The following CNTNAP5 variants were observed in gnomAD, a reference collection of about 807,000 sequenced individuals.
CNTNAP5 encodes the protein contactin associated protein family member 5.
A neutral mutation model predicts 150.2 loss-of-function variants in CNTNAP5; 72 were observed. The observed-to-expected ratio is 0.48, with a 90% confidence interval of 0.40 to 0.58. The LOEUF (loss-of-function observed/expected upper bound fraction) is 0.58, where lower values mean the gene tolerates loss of function less well. Ranked by LOEUF, CNTNAP5 falls within the 20% of genes least tolerant of loss-of-function variation. The pLI is 0.00. For missense variants in CNTNAP5, 1,636 were observed against 1,626.2 expected, an observed-to-expected ratio of 1.01 and a Z score of -0.10; for synonymous variants, 672 against 619.8, an observed-to-expected ratio of 1.08 and a Z score of -1.25.
At chr2:124,184,774 A>G (rs1255674975) in intron 1 of CNTNAP5, among the ~76,000 whole-genome samples, 1 of 152,186 alleles carries the variant, frequency 6.6e-6, no homozygotes, top group Non-Finnish European at 1.5e-5. Context: ...GATATTCTGG[A>G]ACAAATAGGA....
chr2:124,907,156 A>G (rs149105052), intron 22 of CNTNAP5, among the ~76,000 whole-genome samples: 3 of 152,258 alleles, frequency 2.0e-5, no homozygotes, highest in East Asian at 3.9e-4. Context: ...TGATAGATTT[A>G]TAAATAATCT....
At chr2:124,156,925 C>T (rs1684561004) in intron 1 of CNTNAP5, among the ~76,000 whole-genome samples, 1 of 152,152 alleles carries the variant, frequency 6.6e-6, no homozygotes, top group African/African-American at 2.4e-5. Flanking sequence ...AAATAAGGAC[C>T]ATAACATTAC....
At chr2:124,186,681 T>C (rs1006257107) in intron 1 of CNTNAP5, among the ~76,000 whole-genome samples, 5 of 152,304 alleles carry the variant, frequency 3.3e-5, no homozygotes, top group East Asian at 1.9e-4. Context: ...ATTAGAAGGA[T>C]GATCTTTTCA....
intron 19 of CNTNAP5, among the ~76,000 whole-genome samples, chr2:124,860,484 CTTCCTTCCTTCCTTCCTTCT>C (rs1558803890): frequency 1.8e-4 from 17 of 92,698 alleles, no homozygotes; most frequent in African/African-American, 8.0e-4. Flanking sequence ...TCCTTCCTTC[CTTCCTTCCTTCCTTCCTTCT>C]TTCCTTCCTT....
At chr2:124,174,873 C>T (rs1225253480) in intron 1 of CNTNAP5, among the ~76,000 whole-genome samples, 6 of 152,142 alleles carry the variant, frequency 3.9e-5, no homozygotes, top group Non-Finnish European at 8.8e-5. Context: ...GAAATTGCCA[C>T]AGCCATCCTA....
At chr2:124,493,965 T>TACACACACACAC (rs58843895) in intron 7 of CNTNAP5, among the ~76,000 whole-genome samples, 1 of 143,832 alleles carries the variant, frequency 7.0e-6, no homozygotes, top group African/African-American at 2.6e-5. Flanking sequence ...AAACCATAAA[T>TACACACACACAC]ACACACACAC....
intron 7 of CNTNAP5, among the ~76,000 whole-genome samples, chr2:124,475,987 T>A (rs1034401541): frequency 2.0e-5 from 3 of 152,084 alleles, no homozygotes; most frequent in South Asian, 2.1e-4. Context: ...GGATAGTTTT[T>A]AAAATTCTAT....
At position 124,919,912 on chromosome 2, in the gene CNTNAP5, G is replaced by A. The variant is rs1236936269; in HGVS notation, c.*5624G>A. On this transcript the variant is annotated 3_prime_UTR_variant, in exon 24 of 24. Transcript: ENST00000682447. Reference sequence around the variant, plus strand: ...GTCTATTATCAATCAGAGCCCCTGTGAGTGGAAGTCCTCAGATTCTGGAAT... The same window carrying A: ...GTCTATTATCAATCAGAGCCCCTGTAAGTGGAAGTCCTCAGATTCTGGAAT... 5.3e-5 allele frequency among the ~76,000 whole-genome samples: 8 copies of A among 151,962 alleles called. No individual in the cohort carries two copies. Among genetic ancestry groups the A allele is most frequent in the African/African-American group, 1.9e-4 (8 of 41,388 alleles).
At chr2:124,358,513 AG>A (rs772005809) in intron 3 of CNTNAP5, among the ~76,000 whole-genome samples, 12 of 152,134 alleles carry the variant, frequency 7.9e-5, no homozygotes, top group Admixed American at 1.3e-4. Flanking sequence ...TTTAGCATGA[AG>A]GGTTGTTGAA....
chr2:124,420,079 C>T (rs1395175671), intron 4 of CNTNAP5, among the ~76,000 whole-genome samples: 1 of 148,930 alleles, frequency 6.7e-6, no homozygotes, highest in African/African-American at 2.5e-5. Context: ...CAACCTCCGC[C>T]TCCTGAGTTC....
At chr2:124,697,407 C>T (rs1187768667) in intron 13 of CNTNAP5, among the ~76,000 whole-genome samples, 3 of 152,232 alleles carry the variant, frequency 2.0e-5, no homozygotes, top group South Asian at 2.1e-4. Flanking sequence ...AGACATTCCT[C>T]GTTGAAAACC....
At chr2:124,822,262 C>T (rs35374656) in intron 19 of CNTNAP5, among the ~76,000 whole-genome samples, 18,152 of 152,146 alleles carry the variant, frequency 0.12, 1,270 homozygotes, top group Non-Finnish European at 0.16. Context: ...TGTGAGGATG[C>T]TTAGACAGGG....
intron 7 of CNTNAP5, among the ~76,000 whole-genome samples, chr2:124,498,619 C>T (rs746632691): frequency 6.6e-6 from 1 of 152,106 alleles, no homozygotes; most frequent in African/African-American, 2.4e-5. Flanking sequence ...TTCTTTAACA[C>T]GTAAAAATAT....
At chr2:124,623,392 G>A (rs558341383) in intron 12 of CNTNAP5, among the ~76,000 whole-genome samples, 3 of 152,176 alleles carry the variant, frequency 2.0e-5, no homozygotes, top group East Asian at 1.9e-4. Flanking sequence ...ATGTTTGAAG[G>A]GCATGGTTGT....
chr2:124,038,622 T>C (rs1008491277), intron 1 of CNTNAP5, among the ~76,000 whole-genome samples: 1 of 152,198 alleles, frequency 6.6e-6, no homozygotes, highest in Non-Finnish European at 1.5e-5. Context: ...AGCAGAACTT[T>C]TGGTTTACTA....
At chr2:124,035,971 G>A (rs1396102274) in intron 1 of CNTNAP5, among the ~76,000 whole-genome samples, 8 of 123,284 alleles carry the variant, frequency 6.5e-5, no homozygotes, top group African/African-American at 2.6e-4. Flanking sequence ...AGGCCGGACT[G>A]CGGACTGCAG....
At chr2:124,616,047 C>G (rs1287190651) in intron 12 of CNTNAP5, among the ~76,000 whole-genome samples, 1 of 151,708 alleles carries the variant, frequency 6.6e-6, no homozygotes, top group Non-Finnish European at 1.5e-5. Flanking sequence ...CTTTATTATT[C>G]CATTTAGAGA....
rs544109437 is a variant in CNTNAP5 at position 124,075,323 on chromosome 2, A to G, written c.82+49591A>G. On this transcript the variant is annotated intron_variant, in intron 1 of 23. Coordinates refer to ENST00000682447, the MANE Select transcript of CNTNAP5 (RefSeq NM_001367498.1). ...TTCTAAGTTGAGATCCACTTCTAAC[A>G]TTTTATCCTCTGCACTTTCGATGCC... Among the ~76,000 whole-genome samples the G allele has an allele frequency of 5.3e-5, 8 of 152,206 alleles. No individual in the cohort carries two copies. In the South Asian group the frequency reaches 1.5e-3, roughly 28 times the overall value.
chr2:124,213,625 T>C (rs1686078508), intron 1 of CNTNAP5, among the ~76,000 whole-genome samples: 1 of 152,234 alleles, frequency 6.6e-6, no homozygotes, highest in Non-Finnish European at 1.5e-5. Context: ...ACAACATAGC[T>C]CTTGGTACAG....
Sources: allele counts gnomAD v4.1 joint callset (sites outside exome capture counted in the v4.1 genomes callset), GRCh38; gene constraint gnomAD v4.1.1; transcripts MANE v1.5; gene names NCBI Gene and HGNC (gene_info 2026-07-23, HGNC 2026-07-21).